Variants in AURKB observed in about 807,000 individuals in gnomAD.
AURKB encodes the protein aurora kinase B-Sv1.
In AURKB, 28 loss-of-function variants were observed where a neutral mutation model predicts 36.5. The ratio of observed to expected loss-of-function variants is 0.77; its 90% CI spans 0.57 to 1.05. AURKB has a LOEUF of 1.05. Ranked by LOEUF, AURKB falls within the 50% of genes least tolerant of loss-of-function variation. The pLI, the probability that AURKB is intolerant of heterozygous loss-of-function variation, is 0.00. For synonymous variants in AURKB, 175 were observed against 172.9 expected (o/e 1.01, Z -0.09); for missense variants, 383 against 447.4 (o/e 0.86, Z 1.30).
Position 8,205,048 on chromosome 17 carries a change from C to G in AURKB, c.862-4G>C, listed in dbSNP as rs993055729. Reference sequence around the variant, plus strand: ...AAGCGGGGAACTTTAGGTCCACCTGCAGGTGTGAAGAGATGGAAGGGCTGC... The same window carrying G: ...AAGCGGGGAACTTTAGGTCCACCTGGAGGTGTGAAGAGATGGAAGGGCTGC... On this transcript the variant is annotated splice_region_variant and splice_polypyrimidine_tract_variant and intron_variant, in intron 8 of 8. Coordinates refer to ENST00000585124, the MANE Select transcript of AURKB (RefSeq NM_004217.4). The G allele has an allele frequency of 5.1e-6, 8 of 1,581,438 alleles. No homozygotes were observed. The highest frequency in any genetic ancestry group is 1.1e-5 in the South Asian group (1 of 88,230).
chr17:8,204,789 A>C lies in AURKB; in HGVS notation c.*82T>G. Reference sequence around the variant, plus strand: ...CAAAGGAGGAGGTAGAAAACAGATAAGGGAACAGTTAGGGATCCCTTCTTT... The same window carrying C: ...CAAAGGAGGAGGTAGAAAACAGATACGGGAACAGTTAGGGATCCCTTCTTT... On this transcript the variant is annotated 3_prime_UTR_variant, in exon 9 of 9. Coordinates refer to ENST00000585124, the MANE Select transcript of AURKB (RefSeq NM_004217.4). 6.5e-7 allele frequency: 1 copy of C among 1,544,524 alleles called. No individual in the cohort carries two copies. The highest frequency in any genetic ancestry group is 8.8e-7 in the Non-Finnish European group (1 of 1,136,134).
rs964708710 is a variant in AURKB, at chr17:8,205,263, G to A, written c.814C>T (p.Pro272Ser). 2 of 1,614,032 alleles carry A rather than the reference G, an allele frequency of 1.2e-6. No individual in the cohort carries two copies. Among genetic ancestry groups the A allele is most frequent in the Admixed American group, 1.7e-5 (1 of 59,980 alleles). ...TCGTTGTGTGATGCACTCTCAAAGG[G>A]TGGGTTCCCCACCAGCAGCTCATAG... ...LCYELLVGNP[P>S]FESASHNETY... The change falls in exon 8 of 9, where the codon CCC becomes TCC. Residue 272 changes from proline to serine, a missense_variant. Transcript: ENST00000585124.
chr17:8,208,624 A>G (rs1985704904), intron 2 of AURKB, among the ~76,000 whole-genome samples: 1 of 149,348 alleles, frequency 6.7e-6, no homozygotes, highest in African/African-American at 2.5e-5. Flanking sequence ...AAATAAATAA[A>G]TAAATAAAAA....
rs375128595 is a variant in AURKB, at chr17:8,210,402, C to G, written c.-26+128G>C. ...ATCTGGGCGCTGGTCTCACCGCCCC[C>G]GCCCTGCTATCGTCCCTACCTCCTT... On this transcript the variant is annotated intron_variant, in intron 1 of 8. Transcript: ENST00000585124. 1.9e-5 allele frequency: 12 copies of G among 642,914 alleles called. No homozygotes were observed. In the East Asian group the frequency reaches 3.5e-4, roughly 19 times the overall value. 39.8% of individuals were successfully genotyped at this position (642,914 alleles called of 1,614,324 possible).
intron 2 of AURKB, among the ~76,000 whole-genome samples, chr17:8,209,335 G>T (rs560155341): frequency 6.6e-6 from 1 of 151,630 alleles, no homozygotes; most frequent in African/African-American, 2.4e-5. Context: ...AAAATAATAG[G>T]TACATTTTCT....
chr17:8,206,407 A>T lies in AURKB; in HGVS notation c.686+84T>A, dbSNP rs926953461. 6.5e-7 allele frequency: 1 copy of T among 1,547,858 alleles called. No individual in the cohort carries two copies. The highest frequency in any genetic ancestry group is 1.4e-5 in the African/African-American group (1 of 73,570). ...CGGCCTCCCAAAGTGCTGGGATTAC[A>T]GGTGTGAGCCACGGTGCACGGCCCC... On this transcript the variant is annotated intron_variant, in intron 7 of 8. Transcript: ENST00000585124. This position sits in a 1 kb window ranked among gnomAD's most constrained non-coding sequence, Gnocchi z 4.2.
At chr17:8,208,644 C>T (rs1266293189) in intron 2 of AURKB, among the ~76,000 whole-genome samples, 1 of 137,942 alleles carries the variant, frequency 7.2e-6, no homozygotes, top group Admixed American at 7.4e-5. Context: ...AATAAATAAC[C>T]TAAGTAGGCC....
intron 5 of AURKB, 141 bp from the exon 6 acceptor site, chr17:8,207,029 C>A: frequency 6.8e-7 from 1 of 1,472,704 alleles, no homozygotes; most frequent in Non-Finnish European, 9.1e-7. Context: ...AGGCAGATTT[C>A]TGGATTCAAG....
intron 2 of AURKB, chr17:8,208,229 A>T (rs1985625146): frequency 6.1e-6 from 1 of 165,234 alleles, no homozygotes; most frequent in South Asian, 1.4e-4. Context: ...GTTTGAGACC[A>T]GCCTGGCCAA....
intron 7 of AURKB, 148 bp from the exon 8 acceptor site, chr17:8,205,538 G>T: frequency 1.1e-6 from 1 of 951,982 alleles, no homozygotes; most frequent in Non-Finnish European, 1.6e-6. Flanking sequence ...GGGTGGGGTT[G>T]GGGTGATGAT....
Position 8,205,105 on chromosome 17 carries a change from C to G in AURKB, c.862-61G>C, listed in dbSNP as rs925938927. On this transcript the variant is annotated intron_variant, in intron 8 of 8. Coordinates refer to ENST00000585124, the MANE Select transcript of AURKB (RefSeq NM_004217.4). ...TTCACCCTGGCTACATCTTCCTTGA[C>G]TACCCATTCTGTTTGGAGTTACTTA... 4 of 1,548,210 alleles carry G rather than the reference C, an allele frequency of 2.6e-6. No individual in the cohort carries two copies. In the African/African-American group the frequency reaches 5.5e-5, roughly 21 times the overall value.
At position 8,206,990 on chromosome 17, in the gene AURKB, C is replaced by T; in HGVS notation, c.399-102G>A. On this transcript the variant is annotated intron_variant, in intron 5 of 8. Transcript: ENST00000585124. The surrounding 1 kb of genome is among the most constrained non-coding windows in gnomAD (Gnocchi z 4.2). Reference sequence around the variant, plus strand: ...CAGACGTGGCCCAGGCCGGGGACACCAGGGCTGGGAGTGGTAAGGGGAAAC... The same window carrying T: ...CAGACGTGGCCCAGGCCGGGGACACTAGGGCTGGGAGTGGTAAGGGGAAAC... 2 of 1,563,572 alleles carry T rather than the reference C, an allele frequency of 1.3e-6. No individual in the cohort carries two copies. The highest frequency in any genetic ancestry group is 8.7e-7 in the Non-Finnish European group (1 of 1,153,500).
At chr17:8,208,671 G>T (rs1479206746) in intron 2 of AURKB, among the ~76,000 whole-genome samples, 1 of 151,880 alleles carries the variant, frequency 6.6e-6, no homozygotes, top group Admixed American at 6.6e-5. Context: ...AAGGGGCAAA[G>T]GACTCACACC....
At chr17:8,210,387 T>C in intron 1 of AURKB, 138 bp from the exon 2 acceptor site, 1 of 672,098 alleles carries the variant, frequency 1.5e-6, no homozygotes, top group Non-Finnish European at 2.6e-6. Flanking sequence ...ATCTGGGCGC[T>C]GGTCTCACCG....
chr17:8,207,049 G>A, intron 5 of AURKB, 127 bp downstream of exon 5: 1 of 1,441,704 alleles, frequency 6.9e-7, no homozygotes, highest in Admixed American at 2.2e-5. Context: ...GGCTTGCCAG[G>A]ACTAAGAGCT....
intron 7 of AURKB, 68 bp from the exon 8 acceptor site, chr17:8,205,458 A>C (rs1985125895): frequency 6.4e-7 from 1 of 1,556,372 alleles, no homozygotes; most frequent in African/African-American, 1.4e-5. Context: ...CTGCTGCCTG[A>C]CGGCTGGGAG....
At position 8,206,807 on chromosome 17, in the gene AURKB, C is replaced by T. The variant is rs1985361062; in HGVS notation, c.480G>A (p.Gly160=). The T allele has an allele frequency of 1.9e-6, 3 of 1,614,210 alleles. No individual in the cohort carries two copies. The highest frequency in any genetic ancestry group is 2.5e-6 in the Non-Finnish European group (3 of 1,180,040). The change falls in exon 6 of 9, where the codon GGG becomes GGA. Residue 160 remains glycine (G), a synonymous_variant. Transcript: ENST00000585124. The surrounding 1 kb of genome is among the most constrained non-coding windows in gnomAD (Gnocchi z 4.2). ...IYLILEYAPR[G]ELYKELQKSC... is the part of the protein sequence containing the mutation. ...TCTTCTGCAGCTCCTTGTAGAGCTC[C>T]CCGCGGGGGGCATACTCTAGAATCA...
intron 1 of AURKB, 57 bp downstream of exon 1, chr17:8,210,473 T>C (rs1480962780): frequency 1.5e-5 from 8 of 537,822 alleles, no homozygotes; most frequent in East Asian, 6.8e-5. Context: ...GACCCTCTGA[T>C]CTACCTGATC....
In AURKB at chr17:8,206,162, G is replaced by A. The variant is rs1014063899; in HGVS notation, c.686+329C>T. On this transcript the variant is annotated intron_variant, in intron 7 of 8. Coordinates refer to ENST00000585124, the MANE Select transcript of AURKB (RefSeq NM_004217.4). The surrounding 1 kb of genome is among the most constrained non-coding windows in gnomAD (Gnocchi z 4.2). ...TTTTTTTTTTTTGAGACAGAGTCTC[G>A]ATCTGTCACACAGGCTGGAGTGCAA... Among the ~76,000 whole-genome samples the A allele has an allele frequency of 7.6e-6, 1 of 131,812 alleles. No homozygotes were observed. The highest frequency in any genetic ancestry group is 8.0e-5 in the Admixed American group (1 of 12,544). 86.5% of individuals were successfully genotyped at this position (131,812 alleles called of 152,430 possible). A position where few individuals can be genotyped will look rare whatever the true frequency, so the allele number is the denominator to read the frequency against.
Sources: gnomAD v4.1 joint callset for allele counts (sites outside exome capture counted in the v4.1 genomes callset) on GRCh38, gnomAD v4.1.1 for gene constraint, Gnocchi (gnomAD v3.1) non-coding constraint, MANE v1.5 for transcripts, NCBI Gene and HGNC (gene_info 2026-07-23, HGNC 2026-07-21) for gene names.